MYO15B: variants seen among roughly 807,000 people sequenced by gnomAD.
MYO15B encodes the protein myosin XVB pseudogene.
Under a neutral mutation model 119.3 loss-of-function variants are expected in MYO15B, and 207 were observed. The ratio of observed to expected loss-of-function variants is 1.73; its 90% CI spans 1.55 to 1.95. The LOEUF (loss-of-function observed/expected upper bound fraction) is 1.95, where lower values mean the gene tolerates loss of function less well. Ranked by LOEUF, MYO15B falls within the 30% of genes most tolerant of loss-of-function variation. The pLI, the probability that MYO15B is intolerant of heterozygous loss-of-function variation, is 0.00. For missense variants in MYO15B, 2,264 were observed against 1,203.1 expected (o/e 1.88, Z -13.04); for synonymous variants, 966 against 498.9 (o/e 1.94, Z -12.48).
Position 75,589,827 on chromosome 17 carries a change from G to A in MYO15B, c.1770G>A (p.Arg590=), listed in dbSNP as rs1350580146. The A allele has an allele frequency of 1.3e-4, 50 of 398,584 alleles. No homozygotes were observed. The East Asian group carries it at 1.7e-3, about 14-fold the overall frequency. 24.7% of individuals were successfully genotyped at this position (398,584 alleles called of 1,614,324 possible). ...TGGGGGGGCACAGTGAGGGGTGCAGGACGAGTGGGGAAGGGGTGTCCGGGC... is the reference window on the plus strand; with the variant it reads ...TGGGGGGGCACAGTGAGGGGTGCAGAACGAGTGGGGAAGGGGTGTCCGGGC... The change falls in exon 1 of 64, where the codon AGG becomes AGA. Residue 590 remains arginine (R), a synonymous_variant. Transcript: ENST00000645453. The surrounding 1 kb of genome is among the most constrained non-coding windows in gnomAD (Gnocchi z 4.2).
intron 50 of MYO15B, 81 bp downstream of exon 50, chr17:75,621,257 T>C (rs2058690239): frequency 1.5e-6 from 1 of 661,772 alleles, no homozygotes; most frequent in Non-Finnish European, 2.8e-6. Flanking sequence ...GCCACTGGGC[T>C]GTGCTCTTAG....
intron 18 of MYO15B, 49 bp downstream of exon 18, chr17:75,603,126 C>T (rs1324024508): frequency 5.7e-6 from 4 of 703,074 alleles, no homozygotes; most frequent in Non-Finnish European, 1.0e-5. Flanking sequence ...CCCTGCACCT[C>T]CCTCCCCACA....
chr17:75,624,519 A>G (rs777931195), intron 57 of MYO15B, 24 bp from the exon 58 acceptor site: 2 of 703,060 alleles, frequency 2.8e-6, no homozygotes, highest in Non-Finnish European at 2.6e-6. Flanking sequence ...CCTCCCCCTC[A>G]TCACAGTCTG....
intron 30 of MYO15B, 28 bp from the exon 31 acceptor site, chr17:75,614,555 C>T (rs1277268291): frequency 1.4e-6 from 1 of 699,804 alleles, no homozygotes; most frequent in South Asian, 1.5e-5. Flanking sequence ...CCTTGGCCAC[C>T]CCCTTAGCTG....
intron 9 of MYO15B, 93 bp downstream of exon 9, chr17:75,592,933 T>C: frequency 1.6e-6 from 1 of 638,676 alleles, no homozygotes; most frequent in Non-Finnish European, 2.9e-6. Context: ...TGTAGGAGAC[T>C]ACAGAGTGCT....
rs1309925363 is a variant in MYO15B at position 75,621,185 on chromosome 17, A to C, written c.7871+9A>C. 4.4e-6 allele frequency: 3 copies of C among 686,394 alleles called. No individual in the cohort carries two copies. The highest frequency in any genetic ancestry group is 3.1e-5 in the South Asian group (2 of 64,284). The allele number at this position is 686,394 out of a possible 1,614,324, so 42.5% of individuals were successfully genotyped here. ...CGGAGGTCCCAGGCCTTGTGAGTGCACTGGGCCAACCCCTGTGCCTGTCTG... is the reference window on the plus strand; with the variant it reads ...CGGAGGTCCCAGGCCTTGTGAGTGCCCTGGGCCAACCCCTGTGCCTGTCTG... On this transcript the variant is annotated intron_variant, in intron 50 of 63. Transcript: ENST00000645453.
chr17:75,625,883 A>G (rs1301396791), exon 62 of MYO15B: 4 of 702,952 alleles, frequency 5.7e-6, no homozygotes, highest in African/African-American at 5.2e-5. Context: ...TACACCGTCT[A>G]TGGGGTGCTG....
In MYO15B at chr17:75,611,869, C is replaced by T; in HGVS notation, c.4505-17C>T. The T allele has an allele frequency of 1.4e-6, 1 of 702,812 alleles. No individual in the cohort carries two copies. Among genetic ancestry groups the T allele is most frequent in the Non-Finnish European group, 2.6e-6 (1 of 384,956 alleles). The allele number at this position is 702,812 out of a possible 1,614,324, so 43.5% of individuals were successfully genotyped here. A position where few individuals can be genotyped will look rare whatever the true frequency, so the allele number is the denominator to read the frequency against. Reference sequence around the variant, plus strand: ...CACCTGGATGCTCCTGGGCTGCCTCCCGGTGCTTGTTCCCAGGCCATCGGG... The same window carrying T: ...CACCTGGATGCTCCTGGGCTGCCTCTCGGTGCTTGTTCCCAGGCCATCGGG... On this transcript the variant is annotated splice_polypyrimidine_tract_variant and intron_variant, in intron 24 of 63. Transcript: ENST00000645453.
chr17:75,591,091 G>T, intron 3 of MYO15B, 75 bp downstream of exon 3: 3 of 696,202 alleles, frequency 4.3e-6, no homozygotes, highest in South Asian at 1.5e-5. Flanking sequence ...CTTGACTGAG[G>T]TCCCGGGGCC....
Position 75,601,564 on chromosome 17 carries a change from G to C in MYO15B, c.3651+1G>C. Reference sequence around the variant, plus strand: ...TTATGCAGGGACTGTCACCTACCAGGTACCTGGCCTCAGGGACAGACCAGG... The same window carrying C: ...TTATGCAGGGACTGTCACCTACCAGCTACCTGGCCTCAGGGACAGACCAGG... On this transcript the variant is annotated splice_donor_variant, in intron 15 of 63. Coordinates refer to ENST00000645453, the Ensembl canonical transcript of MYO15B. LOFTEE classifies it high-confidence loss of function. 1 of 703,036 alleles carries C rather than the reference G, an allele frequency of 1.4e-6. No homozygotes were observed. Among genetic ancestry groups the C allele is most frequent in the Non-Finnish European group, 2.6e-6 (1 of 384,974 alleles). 43.5% of individuals were successfully genotyped at this position (703,036 alleles called of 1,614,324 possible).
exon 30 of MYO15B, chr17:75,614,211 G>A (rs1025593830): frequency 2.0e-5 from 14 of 701,674 alleles, no homozygotes; most frequent in Admixed American, 8.0e-5. Flanking sequence ...GCCTGGAGGC[G>A]CCTCCCCGGG....
chr17:75,623,930 C>T lies in MYO15B; in HGVS notation c.8157-19C>T, dbSNP rs763012757. 4.3e-6 allele frequency: 3 copies of T among 702,846 alleles called. No homozygotes were observed. The highest frequency in any genetic ancestry group is 1.5e-5 in the South Asian group (1 of 67,592). 43.5% of individuals were successfully genotyped at this position (702,846 alleles called of 1,614,324 possible). A position where few individuals can be genotyped will look rare whatever the true frequency, so the allele number is the denominator to read the frequency against. On this transcript the variant is annotated intron_variant, in intron 54 of 63. Transcript: ENST00000645453. ...ACTGTGGCCTGGCCAGCCTGAAGCC[C>T]GAGCGCTCTGCCCTGCAGGGAACAC...
Position 75,616,309 on chromosome 17 carries a change from C to T in MYO15B, c.6110-3C>T. The T allele has an allele frequency of 1.7e-6, 1 of 603,914 alleles. No individual in the cohort carries two copies. The highest frequency in any genetic ancestry group is 2.9e-6 in the Non-Finnish European group (1 of 339,390). 37.4% of individuals were successfully genotyped at this position (603,914 alleles called of 1,614,324 possible). ...ACTTTGAAGGCCATCTGGACACTTG[C>T]AGGGCAGCCACAGATCACAGTGAGG... On this transcript the variant is annotated splice_region_variant and splice_polypyrimidine_tract_variant and intron_variant, in intron 37 of 63. Coordinates refer to ENST00000645453, the Ensembl canonical transcript of MYO15B.
At chr17:75,599,810 G>A (rs1194166783) in intron 14 of MYO15B, among the ~76,000 whole-genome samples, 5 of 150,498 alleles carry the variant, frequency 3.3e-5, no homozygotes, top group African/African-American at 1.2e-4. Flanking sequence ...CAGGAGAATG[G>A]CATGAACCCG....
At chr17:75,618,510 G>A (rs530746846) in intron 43 of MYO15B, among the ~76,000 whole-genome samples, 21 of 152,294 alleles carry the variant, frequency 1.4e-4, no homozygotes, top group African/African-American at 3.8e-4. Flanking sequence ...AAAATCAGGC[G>A]TGGTGGCACG....
At chr17:75,591,321 C>A in intron 4 of MYO15B, 75 bp downstream of exon 4, 1 of 679,518 alleles carries the variant, frequency 1.5e-6, no homozygotes, top group Non-Finnish European at 2.7e-6. Flanking sequence ...CTGAGGTCTT[C>A]ACTGGAAGCC....
chr17:75,621,973 C>G (rs2058736902), intron 52 of MYO15B, 31 bp from the exon 53 acceptor site: 1 of 702,492 alleles, frequency 1.4e-6, no homozygotes, highest in Admixed American at 2.0e-5. Flanking sequence ...ACAGCCCCAG[C>G]TATGTGCCCT....
At chr17:75,617,620 G>A (rs1216296534) in intron 41 of MYO15B, 190 bp from the exon 42 acceptor site, 11 of 588,818 alleles carry the variant, frequency 1.9e-5, no homozygotes, top group Middle Eastern at 3.8e-4. Context: ...CGAGCCTCAC[G>A]GACGCCAGGG....
Position 75,595,400 on chromosome 17 carries a change from G to A in MYO15B, c.3297+428G>A, listed in dbSNP as rs569228201. On this transcript the variant is annotated intron_variant, in intron 12 of 63. Coordinates refer to ENST00000645453, the Ensembl canonical transcript of MYO15B. ...CCACCACAAGCCCCAGCCCTGGCCCGTGCTGTCCTCCTGCTGGGAGGAGTT... is the reference window on the plus strand; with the variant it reads ...CCACCACAAGCCCCAGCCCTGGCCCATGCTGTCCTCCTGCTGGGAGGAGTT... Among the ~76,000 whole-genome samples, 282 of 152,278 alleles carry A rather than the reference G, an allele frequency of 1.9e-3. 1 individual carries two copies. The highest frequency in any genetic ancestry group is 6.1e-3 in the African/African-American group (253 of 41,568).
Sources: gnomAD v4.1 joint callset for allele counts (sites outside exome capture counted in the v4.1 genomes callset) on GRCh38, gnomAD v4.1.1 for gene constraint, Gnocchi (gnomAD v3.1) non-coding constraint, MANE v1.5 for transcripts, NCBI Gene and HGNC (gene_info 2026-07-23, HGNC 2026-07-21) for gene names.